The following TPO variants were observed in gnomAD, a reference collection of about 807,000 sequenced individuals.
TPO encodes thyroid microsomal antigen.
TPO carries 78 observed loss-of-function variants against 96.9 expected under a neutral mutation model. That is an observed-to-expected ratio of 0.81 (90% CI 0.67 to 0.97). The LOEUF (loss-of-function observed/expected upper bound fraction) is 0.97. TPO is among the 50% of genes least tolerant of loss of function. TPO has a pLI of 0.00. For synonymous variants in TPO, 547 were observed against 538.0 expected, an observed-to-expected ratio of 1.02 and a Z score of -0.23; for missense variants, 1,252 against 1,274.8, an observed-to-expected ratio of 0.98 and a Z score of 0.27.
At chr2:1,414,333 G>A (rs753695638) in intron 1 of TPO, 75 bp from the exon 2 acceptor site, 547 of 1,402,672 alleles carry the variant, frequency 3.9e-4, no homozygotes, top group Non-Finnish European at 4.9e-4. Context: ...CCTCAGCAGG[G>A]AGACAAGGAC....
chr2:1,392,235 G>GT (rs1240584226), intron 1 of TPO, among the ~76,000 whole-genome samples: 2 of 152,138 alleles, frequency 1.3e-5, no homozygotes, highest in Admixed American at 6.5e-5. Context: ...TTTCATCAAA[G>GT]GCCTTTTCTG....
intron 15 of TPO, among the ~76,000 whole-genome samples, chr2:1,538,727 C>T (rs775728726): frequency 1.6e-4 from 24 of 152,134 alleles, no homozygotes; most frequent in South Asian, 1.2e-3. Flanking sequence ...CTGAGGAGGG[C>T]GAGGGCTGCC....
chr2:1,487,097 C>A (rs552504786), intron 9 of TPO, among the ~76,000 whole-genome samples: 1 of 152,314 alleles, frequency 6.6e-6, no homozygotes, highest in South Asian at 2.1e-4. Context: ...GCTTTCCATG[C>A]GGGGCCTTTG....
At chr2:1,394,705 C>A (rs1170092099) in intron 1 of TPO, among the ~76,000 whole-genome samples, 2 of 152,186 alleles carry the variant, frequency 1.3e-5, no homozygotes, top group African/African-American at 4.8e-5. Flanking sequence ...GGGCCCTGCC[C>A]AGAGAGTCCT....
intron 1 of TPO, among the ~76,000 whole-genome samples, chr2:1,383,514 TA>T (rs1661842520): frequency 6.6e-6 from 1 of 152,254 alleles, no homozygotes; most frequent in Admixed American, 6.5e-5. Flanking sequence ...GTTGGCTGCA[TA>T]AATGTCTTCT....
intron 15 of TPO, among the ~76,000 whole-genome samples, chr2:1,528,766 T>C (rs1296227796): frequency 3.1e-4 from 18 of 57,386 alleles, no homozygotes; most frequent in East Asian, 1.4e-3. Context: ...TGCAGCCTCC[T>C]CAAATCCCCC....
intron 3 of TPO, among the ~76,000 whole-genome samples, chr2:1,426,243 G>A (rs1227174564): frequency 1.9e-3 from 217 of 111,944 alleles, no homozygotes; most frequent in African/African-American, 4.8e-3. Flanking sequence ...GGATACAGAG[G>A]TGAGTTTGAT....
chr2:1,446,632 AT>A (rs1349990785), intron 5 of TPO, among the ~76,000 whole-genome samples: 4 of 152,020 alleles, frequency 2.6e-5, no homozygotes, highest in East Asian at 1.9e-4. Flanking sequence ...CATTTTTCCC[AT>A]TTTTTAATGA....
At chr2:1,411,708 T>C (rs1365427836), upstream of TPO, among the ~76,000 whole-genome samples, 1 of 152,204 alleles carries the variant, frequency 6.6e-6, no homozygotes, top group Non-Finnish European at 1.5e-5. Context: ...GCCCTGCTCC[T>C]GGCCTCCTCC....
At chr2:1,509,163 C>A (rs1287856607) in intron 14 of TPO, among the ~76,000 whole-genome samples, 1 of 152,204 alleles carries the variant, frequency 6.6e-6, no homozygotes, top group African/African-American at 2.4e-5. Context: ...CATTCAGGAG[C>A]AGGTTGTTCA....
intron 4 of TPO, among the ~76,000 whole-genome samples, chr2:1,434,749 A>AT (rs1197094204): frequency 6.6e-5 from 10 of 152,290 alleles, no homozygotes; most frequent in African/African-American, 2.4e-4. Context: ...ATAATTTAGA[A>AT]TTTTTTAAAA....
intron 2 of TPO, among the ~76,000 whole-genome samples, chr2:1,416,250 A>T: frequency 6.6e-6 from 1 of 152,254 alleles, no homozygotes; most frequent in Non-Finnish European, 1.5e-5. Context: ...AGAATAAATC[A>T]GTCACTCTAT....
At chr2:1,512,016 A>G (rs904644594) in intron 14 of TPO, among the ~76,000 whole-genome samples, 4 of 151,788 alleles carry the variant, frequency 2.6e-5, no homozygotes, top group African/African-American at 4.8e-5. Flanking sequence ...CAATTACAAC[A>G]TACATTTATC....
At chr2:1,482,762 CCTCCTGGGCTCAAG>C (rs2148699332) in intron 8 of TPO, among the ~76,000 whole-genome samples, 1 of 152,332 alleles carries the variant, frequency 6.6e-6, no homozygotes, top group East Asian at 1.9e-4. Flanking sequence ...GCAGCCTCAA[CCTCCTGGGCTCAAG>C]CAATCCTCCA....
chr2:1,425,930 G>A (rs1664332970), intron 3 of TPO, among the ~76,000 whole-genome samples: 1 of 147,530 alleles, frequency 6.8e-6, no homozygotes, highest in African/African-American at 2.6e-5. Flanking sequence ...GGGATACAGA[G>A]GTGAGTTTGA....
intron 4 of TPO, among the ~76,000 whole-genome samples, chr2:1,433,883 T>C (rs986961534): frequency 1.3e-5 from 2 of 152,206 alleles, no homozygotes; most frequent in African/African-American, 4.8e-5. Context: ...TTTTTTATGG[T>C]ATAAAATAAT....
chr2:1,542,506 T>C lies in TPO; in HGVS notation c.*32T>C. 6.2e-7 allele frequency: 1 copy of C among 1,613,784 alleles called. No homozygotes were observed. Among genetic ancestry groups the C allele is most frequent in the Non-Finnish European group, 8.5e-7 (1 of 1,179,920 alleles). Reference sequence around the variant, plus strand: ...AGTGGCAGGACACTGCAGAACAGCTTCATGTTCCCAAAATCACCGTACGAC... The same window carrying C: ...AGTGGCAGGACACTGCAGAACAGCTCCATGTTCCCAAAATCACCGTACGAC... On this transcript the variant is annotated 3_prime_UTR_variant, in exon 17 of 17. Transcript: ENST00000329066.
chr2:1,504,248 G>A (rs899974899), intron 14 of TPO, among the ~76,000 whole-genome samples, 169 bp downstream of exon 14: 1 of 152,234 alleles, frequency 6.6e-6, no homozygotes, highest in African/African-American at 2.4e-5. Context: ...TGTGCTGGGG[G>A]CAGAGGATGC....
chr2:1,390,352 C>A (rs1237142377), intron 1 of TPO, among the ~76,000 whole-genome samples: 5 of 152,122 alleles, frequency 3.3e-5, no homozygotes, highest in Non-Finnish European at 5.9e-5. Flanking sequence ...TGAACTCATC[C>A]TTTTTTATGG....
Sources: gnomAD v4.1 joint callset for allele counts (sites outside exome capture counted in the v4.1 genomes callset) on GRCh38, gnomAD v4.1.1 for gene constraint, MANE v1.5 for transcripts, NCBI Gene and HGNC (gene_info 2026-07-23, HGNC 2026-07-21) for gene names.